ZHX2: variants seen among roughly 807,000 people sequenced by gnomAD.
ZHX2 encodes zinc fingers and homeoboxes 2, also known as zinc fingers and homeoboxes protein 2.
In ZHX2, 6 loss-of-function variants were observed where a neutral mutation model predicts 21.9. The observed-to-expected ratio is 0.27, with a 90% CI of 0.15 to 0.54. The LOEUF (loss-of-function observed/expected upper bound fraction) is 0.54. ZHX2 is among the 20% of genes least tolerant of loss of function. The pLI is 0.95. For missense variants in ZHX2, 908 were observed against 1,090.7 expected, an observed-to-expected ratio of 0.83 and a Z score of 2.36; for synonymous variants, 434 against 437.1, an observed-to-expected ratio of 0.99 and a Z score of 0.09.
chr8:122,792,337 G>A (rs1472093784), intron 1 of ZHX2, among the ~76,000 whole-genome samples: 3 of 152,206 alleles, frequency 2.0e-5, no homozygotes, highest in African/African-American at 7.2e-5. Flanking sequence ...ATATCCTGTT[G>A]TGTGGATATA....
intron 2 of ZHX2, among the ~76,000 whole-genome samples, chr8:122,911,266 G>T (rs1374865984): frequency 6.7e-6 from 1 of 148,260 alleles, no homozygotes. Flanking sequence ...GTGGAAGGGG[G>T]CTTTGCCAAG....
intron 1 of ZHX2, among the ~76,000 whole-genome samples, chr8:122,827,643 G>A (rs1818290175): frequency 6.6e-6 from 1 of 152,044 alleles, no homozygotes; most frequent in Non-Finnish European, 1.5e-5. Context: ...TCTGACTTCA[G>A]AATCAGAATC....
chr8:122,961,977 G>A (rs1249825346), intron 3 of ZHX2, among the ~76,000 whole-genome samples: 1 of 152,140 alleles, frequency 6.6e-6, no homozygotes, highest in Non-Finnish European at 1.5e-5. Context: ...GGCCCCACAT[G>A]TTCATGCCAG....
intron 1 of ZHX2, among the ~76,000 whole-genome samples, chr8:122,814,261 A>G (rs557688502): frequency 2.0e-5 from 3 of 152,232 alleles, no homozygotes; most frequent in Admixed American, 6.5e-5. Flanking sequence ...GCTCTCTACT[A>G]AAAAGATTGT....
chr8:122,926,562 G>T (rs570159389), intron 2 of ZHX2, among the ~76,000 whole-genome samples: 1 of 152,212 alleles, frequency 6.6e-6, no homozygotes, highest in South Asian at 2.1e-4. Context: ...AGTTGCAGTT[G>T]TTCGCTGTCA....
At chr8:122,837,915 T>C (rs961124141) in intron 1 of ZHX2, among the ~76,000 whole-genome samples, 2 of 152,228 alleles carry the variant, frequency 1.3e-5, no homozygotes, top group African/African-American at 4.8e-5. Context: ...GACCCTTTCC[T>C]TCTCAGATTA....
chr8:122,947,883 G>A (rs1354877207), intron 2 of ZHX2, among the ~76,000 whole-genome samples: 2 of 152,064 alleles, frequency 1.3e-5, no homozygotes, highest in African/African-American at 4.8e-5. Context: ...GAACTCTGGA[G>A]GCGTGAAAAG....
chr8:122,855,333 A>G (rs1461364306), intron 1 of ZHX2, among the ~76,000 whole-genome samples: 2 of 152,188 alleles, frequency 1.3e-5, no homozygotes, highest in East Asian at 3.8e-4. Flanking sequence ...TTTTGAAAAT[A>G]TATTATACCA....
At chr8:122,895,768 A>G (rs1364688232) in intron 2 of ZHX2, among the ~76,000 whole-genome samples, 1 of 151,262 alleles carries the variant, frequency 6.6e-6, no homozygotes, top group African/African-American at 2.4e-5. Flanking sequence ...AGCTCTCGCC[A>G]AGATAAGCAT....
At chr8:122,864,326 G>A (rs1489274801) in intron 2 of ZHX2, among the ~76,000 whole-genome samples, 1 of 151,818 alleles carries the variant, frequency 6.6e-6, no homozygotes, top group African/African-American at 2.4e-5. Flanking sequence ...CTGTAAAACT[G>A]TTTGGAAGCC....
chr8:122,864,743 A>G (rs1042421796), intron 2 of ZHX2, among the ~76,000 whole-genome samples: 21 of 152,146 alleles, frequency 1.4e-4, no homozygotes, highest in African/African-American at 4.8e-4. Flanking sequence ...CAGGGGCAGT[A>G]TCACATACTC....
At chr8:122,947,092 CAAAAAAAAAA>C (rs57090731) in intron 2 of ZHX2, among the ~76,000 whole-genome samples, 6 of 67,286 alleles carry the variant, frequency 8.9e-5, no homozygotes, top group South Asian at 1.4e-3. Flanking sequence ...CCTGTCTTTG[CAAAAAAAAAA>C]AAAAAAAAAA....
At chr8:122,781,336 T>TA (rs1466546214), upstream of ZHX2, 3 of 152,220 alleles carry the variant, frequency 2.0e-5, no homozygotes, top group Non-Finnish European at 2.9e-5. The surrounding 1 kb of genome is among the most constrained non-coding windows in gnomAD (Gnocchi z 4.6). Context: ...ACGGAGACGG[T>TA]TTGGCCGCGG....
At chr8:122,803,958 C>T (rs944101905) in intron 1 of ZHX2, among the ~76,000 whole-genome samples, 7 of 152,132 alleles carry the variant, frequency 4.6e-5, no homozygotes, top group African/African-American at 1.7e-4. Context: ...CCAGGGCGGG[C>T]TTTGATCAGT....
chr8:122,806,919 G>A (rs1817835851), intron 1 of ZHX2, among the ~76,000 whole-genome samples: 1 of 152,182 alleles, frequency 6.6e-6, no homozygotes, highest in South Asian at 2.1e-4. Context: ...ATAGGGGAAG[G>A]GGAGTGGGGA....
At chr8:122,967,219 A>T (rs1813605271) in intron 3 of ZHX2, among the ~76,000 whole-genome samples, 1 of 152,116 alleles carries the variant, frequency 6.6e-6, no homozygotes, top group African/African-American at 2.4e-5. Flanking sequence ...GTGTTTTAGA[A>T]CCTTGTTTTA....
chr8:122,904,032 A>G (rs1820291857), intron 2 of ZHX2, among the ~76,000 whole-genome samples: 1 of 152,184 alleles, frequency 6.6e-6, no homozygotes, highest in African/African-American at 2.4e-5. Context: ...TCATAGCCCC[A>G]GGAATGACGT....
chr8:122,886,133 G>A (rs1332199466), intron 2 of ZHX2, among the ~76,000 whole-genome samples: 1 of 152,148 alleles, frequency 6.6e-6, no homozygotes, highest in Non-Finnish European at 1.5e-5. Context: ...CATCCAGTGG[G>A]GTGTTATTCA....
At position 122,832,289 on chromosome 8, in the gene ZHX2, G is replaced by C. The variant is rs1818394677; in HGVS notation, c.-282-31188G>C. Among the ~76,000 whole-genome samples the C allele has an allele frequency of 3.3e-5, 5 of 152,166 alleles. No homozygotes were observed. In the South Asian group the frequency reaches 1.0e-3, roughly 32 times the overall value. Reference sequence around the variant, plus strand: ...GAGCTAGCTTGTCTTTGATGTTATGGGTTGAATAAACTGTTAGTTTGGCTT... The same window carrying C: ...GAGCTAGCTTGTCTTTGATGTTATGCGTTGAATAAACTGTTAGTTTGGCTT... On this transcript the variant is annotated intron_variant, in intron 1 of 3. Transcript: ENST00000314393.
Sources: allele counts gnomAD v4.1 joint callset (sites outside exome capture counted in the v4.1 genomes callset), GRCh38; gene constraint gnomAD v4.1.1; non-coding constraint Gnocchi (gnomAD v3.1); transcripts MANE v1.5; gene names NCBI Gene and HGNC (gene_info 2026-07-23, HGNC 2026-07-21).